The following CYFIP1 variants were observed in gnomAD, a reference collection of about 807,000 sequenced individuals.
The protein encoded by CYFIP1 is cytoplasmic FMR1-interacting protein 1.
A neutral mutation model predicts 163.5 loss-of-function variants in CYFIP1; 58 were observed. The observed-to-expected ratio is 0.35, with a 90% CI of 0.29 to 0.44. The LOEUF is 0.44. Among genes scored for constraint, CYFIP1 ranks in the 20% least tolerant of loss-of-function variants. The pLI is 1.00. For synonymous variants in CYFIP1, 663 were observed against 660.7 expected (o/e 1.00, Z -0.05); for missense variants, 1,338 against 1,653.8 (o/e 0.81, Z 3.31).
chr15:22,916,796 T>C (rs2061001847), intron 15 of CYFIP1, 166 bp from the exon 16 acceptor site: 1 of 1,576,362 alleles, frequency 6.3e-7, no homozygotes, highest in Non-Finnish European at 8.6e-7. Context: ...GCGGCCACGT[T>C]GCTGCTGCTT....
intron 1 of CYFIP1, among the ~76,000 whole-genome samples, chr15:22,951,782 A>T (rs1223571275): frequency 6.6e-6 from 1 of 152,116 alleles, no homozygotes; most frequent in East Asian, 1.9e-4. Flanking sequence ...AGATGACCCC[A>T]TGGTGGAGGA....
intron 22 of CYFIP1, among the ~76,000 whole-genome samples, chr15:22,903,496 C>T (rs553716491): frequency 1.4e-4 from 22 of 152,344 alleles, no homozygotes; most frequent in African/African-American, 3.4e-4. Flanking sequence ...GCAAGCCCCA[C>T]GTGCAAAGCC....
chr15:22,952,652 T>C, intron 1 of CYFIP1, among the ~76,000 whole-genome samples: 1 of 2,244 alleles, frequency 4.5e-4, no homozygotes, highest in East Asian at 0.012. Flanking sequence ...GAGGTGAGAC[T>C]CCATCTCAAA....
chr15:22,897,157 G>A (rs2060262894), intron 22 of CYFIP1, among the ~76,000 whole-genome samples: 1 of 149,466 alleles, frequency 6.7e-6, no homozygotes, highest in Middle Eastern at 3.4e-3. Context: ...AAGTTGCAGT[G>A]AGCCGAGATC....
At chr15:22,914,914 C>A in intron 16 of CYFIP1, 32 bp from the exon 17 acceptor site, 2 of 1,576,724 alleles carry the variant, frequency 1.3e-6, no homozygotes, top group African/African-American at 2.8e-5. Context: ...CATGTTATCT[C>A]CCGCAAGCAA....
At chr15:22,980,092 G>A (rs971687186) in intron 1 of CYFIP1, among the ~76,000 whole-genome samples, 195 bp downstream of exon 1, 13 of 151,086 alleles carry the variant, frequency 8.6e-5, no homozygotes, top group African/African-American at 2.9e-4. Context: ...GCGGGAGCCC[G>A]GGGCCGGGAC....
chr15:22,903,711 G>A lies in CYFIP1; in HGVS notation c.2583C>T (p.Thr861=). 6.2e-7 allele frequency: 1 copy of A among 1,613,332 alleles called. No individual in the cohort carries two copies. The highest frequency in any genetic ancestry group is 8.5e-7 in the Non-Finnish European group (1 of 1,179,968). Residue 861 remains threonine, a synonymous_variant, in exon 22 of 31, where the codon ACC becomes ACT. Transcript: ENST00000617928. ...TGTGTGGCGGGCACGCTCACCGGTT[G>A]GTAGAGCCGTTGTAGCAGTAGTTGG... ...FLPNYCYNGS[T]NRFVRTVLPF... is the part of the protein sequence containing the mutation.
At chr15:22,903,390 TC>T (rs1412034167) in intron 22 of CYFIP1, among the ~76,000 whole-genome samples, 1 of 152,040 alleles carries the variant, frequency 6.6e-6, no homozygotes, top group East Asian at 1.9e-4. Flanking sequence ...GAGGGTGGCT[TC>T]CCCACACTCC....
chr15:22,965,066 G>A (rs9806166), intron 1 of CYFIP1, among the ~76,000 whole-genome samples: 40,266 of 146,116 alleles, frequency 0.28, 5,512 homozygotes, highest in Non-Finnish European at 0.29. Flanking sequence ...GTGTGTGTGT[G>A]TGTGTACACA....
At chr15:22,980,747 C>T (rs1045697982), upstream of CYFIP1, among the ~76,000 whole-genome samples, 5 of 152,100 alleles carry the variant, frequency 3.3e-5, no homozygotes, top group Non-Finnish European at 7.4e-5. Context: ...CTCAGGGGGA[C>T]ACCCAGGACG....
chr15:22,953,829 G>A (rs1214479849), intron 1 of CYFIP1, among the ~76,000 whole-genome samples: 2 of 152,226 alleles, frequency 1.3e-5, no homozygotes, highest in Non-Finnish European at 2.9e-5. Flanking sequence ...GCCGAGGCGG[G>A]TGGATCACGA....
chr15:22,949,668 T>C (rs540880761), intron 1 of CYFIP1, among the ~76,000 whole-genome samples: 1 of 152,272 alleles, frequency 6.6e-6, no homozygotes, highest in East Asian at 1.9e-4. Flanking sequence ...TATTTCTAGG[T>C]ATATAATTGT....
At chr15:22,965,680 G>C (rs2062878711) in intron 1 of CYFIP1, among the ~76,000 whole-genome samples, 1 of 152,182 alleles carries the variant, frequency 6.6e-6, no homozygotes, top group Non-Finnish European at 1.5e-5. Context: ...TCCTTGGAAT[G>C]ACAGAAGCAA....
intron 8 of CYFIP1, 116 bp downstream of exon 8, chr15:22,939,076 T>C (rs1483137584): frequency 1.5e-6 from 2 of 1,324,830 alleles, no homozygotes; most frequent in South Asian, 1.3e-5. Flanking sequence ...TGTTCACACA[T>C]GACAGCATGC....
intron 8 of CYFIP1, among the ~76,000 whole-genome samples, chr15:22,937,598 TTTTTTG>T (rs2061753605): frequency 6.7e-6 from 1 of 150,250 alleles, no homozygotes; most frequent in Non-Finnish European, 1.5e-5. Context: ...TAAAAATTCT[TTTTTTG>T]TTTTTTTTTT....
intron 22 of CYFIP1, 78 bp from the exon 23 acceptor site, chr15:22,893,055 T>C: frequency 9.7e-7 from 1 of 1,027,472 alleles, no homozygotes; most frequent in Non-Finnish European, 1.5e-6. Flanking sequence ...TCCTCCATAA[T>C]CCATCTACTA....
intron 11 of CYFIP1, among the ~76,000 whole-genome samples, chr15:22,928,377 C>T (rs113741193): frequency 7.6e-4 from 115 of 150,804 alleles, no homozygotes; most frequent in African/African-American, 2.6e-3. Context: ...AGCGAGACTC[C>T]GTCTCAAAAA....
intron 1 of CYFIP1, among the ~76,000 whole-genome samples, chr15:22,976,251 G>A (rs536771916): frequency 6.8e-4 from 103 of 151,754 alleles, no homozygotes; most frequent in Admixed American, 1.9e-3. Flanking sequence ...TCCGCCTCCC[G>A]GGTTCAGGCG....
chr15:22,873,300 A>G (rs752689631), intron 29 of CYFIP1, among the ~76,000 whole-genome samples, 191 bp downstream of exon 29: 4 of 152,114 alleles, frequency 2.6e-5, no homozygotes, highest in African/African-American at 4.8e-5. Flanking sequence ...AGACTCCCTG[A>G]ATACTAGAGT....
Sources: gnomAD v4.1 joint callset for allele counts (sites outside exome capture counted in the v4.1 genomes callset) on GRCh38, gnomAD v4.1.1 for gene constraint, MANE v1.5 for transcripts, NCBI Gene and HGNC (gene_info 2026-07-23, HGNC 2026-07-21) for gene names.